GRID2: variants seen among roughly 807,000 people sequenced by gnomAD.
GRID2 encodes glutamate ionotropic receptor delta type subunit 2, also known as glutamate receptor ionotropic, delta-2.
GRID2 carries 33 observed loss-of-function variants against 114.8 expected under a neutral mutation model. That is an observed-to-expected ratio of 0.29 (90% CI 0.22 to 0.38). The LOEUF is 0.38. Ranked by LOEUF, GRID2 falls within the 10% of genes least tolerant of loss-of-function variation. The pLI is 1.00. For missense variants in GRID2, 1,184 were observed against 1,257.7 expected (o/e 0.94, Z 0.89); for synonymous variants, 505 against 449.9 (o/e 1.12, Z -1.55).
intron 2 of GRID2, among the ~76,000 whole-genome samples, chr4:92,591,229 A>T (rs936899938): frequency 6.6e-6 from 1 of 151,970 alleles, no homozygotes; most frequent in African/African-American, 2.4e-5. Context: ...CCATTCGAGG[A>T]CTCAGCAAGA....
chr4:93,440,904 A>G (rs777279524), intron 10 of GRID2, among the ~76,000 whole-genome samples: 1 of 152,096 alleles, frequency 6.6e-6, no homozygotes, highest in Non-Finnish European at 1.5e-5. Flanking sequence ...AGTGGTGAAT[A>G]ATAAGTCTTG....
chr4:92,338,460 T>C (rs1204708275), intron 1 of GRID2, among the ~76,000 whole-genome samples: 4 of 152,116 alleles, frequency 2.6e-5, no homozygotes, highest in Non-Finnish European at 1.5e-5. Flanking sequence ...AATTGAGAAA[T>C]TATGATAGTT....
intron 2 of GRID2, among the ~76,000 whole-genome samples, chr4:92,606,687 A>G (rs376566361): frequency 1.0e-3 from 154 of 151,840 alleles, no homozygotes; most frequent in African/African-American, 3.6e-3. Context: ...CGTTGGCTGC[A>G]CTCCACCCAG....
At chr4:92,806,146 C>A (rs1167220365) in intron 2 of GRID2, among the ~76,000 whole-genome samples, 3 of 143,990 alleles carry the variant, frequency 2.1e-5, no homozygotes, top group South Asian at 2.3e-4. Flanking sequence ...TATGTCAAAT[C>A]TATTAGAAAA....
intron 1 of GRID2, among the ~76,000 whole-genome samples, chr4:92,311,974 G>GCCATTTTTATAGTAGCCTAA: frequency 6.6e-6 from 1 of 152,032 alleles, no homozygotes; most frequent in African/African-American, 2.4e-5. Context: ...GAAGCAAAAT[G>GCCATTTTTATAGTAGCCTAA]AGGGAATGAA....
intron 2 of GRID2, among the ~76,000 whole-genome samples, chr4:92,931,273 C>T: frequency 6.6e-6 from 1 of 150,542 alleles, no homozygotes; most frequent in East Asian, 1.9e-4. Flanking sequence ...TAAAAAAAAG[C>T]CTGACATGAC....
At position 93,769,453 on chromosome 4, in the gene GRID2, A is replaced by G. The variant is rs371962580; in HGVS notation, c.2601+3A>G. ...GCTCCCGGGTTCCATCAAAAGAGGT[A>G]CTTGATTGAGAGATTTGGCTCTAAA... On this transcript the variant is annotated splice_donor_region_variant and intron_variant, in intron 15 of 15. Transcript: ENST00000282020. The G allele has an allele frequency of 3.7e-6, 6 of 1,613,492 alleles. No individual in the cohort carries two copies. The highest frequency in any genetic ancestry group is 5.1e-6 in the Non-Finnish European group (6 of 1,179,774).
chr4:92,794,354 C>T (rs1739748249), intron 2 of GRID2, among the ~76,000 whole-genome samples: 1 of 151,748 alleles, frequency 6.6e-6, no homozygotes, highest in Non-Finnish European at 1.5e-5. Flanking sequence ...ACCCTATCAC[C>T]CTGCCATATA....
At chr4:93,088,203 A>C (rs969518149) in intron 3 of GRID2, among the ~76,000 whole-genome samples, 1 of 152,204 alleles carries the variant, frequency 6.6e-6, no homozygotes, top group Admixed American at 6.5e-5. Flanking sequence ...AAGAAAACTG[A>C]TATCTTTGCT....
chr4:92,372,401 T>G (rs1045748002), intron 1 of GRID2, among the ~76,000 whole-genome samples: 1 of 152,092 alleles, frequency 6.6e-6, no homozygotes, highest in Non-Finnish European at 1.5e-5. Context: ...CACTCCAACC[T>G]TCAGCAACGG....
intron 14 of GRID2, among the ~76,000 whole-genome samples, chr4:93,706,726 TC>T (rs1728033003): frequency 6.6e-6 from 1 of 152,176 alleles, no homozygotes; most frequent in African/African-American, 2.4e-5. Flanking sequence ...GCCTGATTGC[TC>T]TAGCAAGGAC....
At chr4:93,590,150 A>G (rs1270653686) in intron 13 of GRID2, among the ~76,000 whole-genome samples, 1 of 150,288 alleles carries the variant, frequency 6.7e-6, no homozygotes, top group Non-Finnish European at 1.5e-5. Flanking sequence ...CTGAATGGTA[A>G]TGCCTAGGTT....
At chr4:93,151,251 T>C (rs1206817862) in intron 4 of GRID2, among the ~76,000 whole-genome samples, 1 of 151,946 alleles carries the variant, frequency 6.6e-6, no homozygotes, top group East Asian at 1.9e-4. Flanking sequence ...TGAGTAGAGA[T>C]TTTTCTGGAG....
intron 2 of GRID2, among the ~76,000 whole-genome samples, chr4:92,971,786 T>C (rs1441883533): frequency 2.0e-5 from 3 of 152,074 alleles, no homozygotes; most frequent in Non-Finnish European, 4.4e-5. Flanking sequence ...GAGTGAGAAT[T>C]TGTGGTATTA....
At chr4:93,259,412 A>G (rs1032159993) in intron 8 of GRID2, among the ~76,000 whole-genome samples, 9 of 151,846 alleles carry the variant, frequency 5.9e-5, no homozygotes, top group East Asian at 5.8e-4. Flanking sequence ...CCTTTTCAAA[A>G]TAGTCTCGAC....
At chr4:92,602,809 C>T (rs898949127) in intron 2 of GRID2, among the ~76,000 whole-genome samples, 8 of 152,144 alleles carry the variant, frequency 5.3e-5, no homozygotes, top group African/African-American at 1.4e-4. Context: ...AAAACCCCAT[C>T]GTCTTAGTCC....
At chr4:93,492,951 A>G (rs983064146) in intron 12 of GRID2, among the ~76,000 whole-genome samples, 14 of 151,780 alleles carry the variant, frequency 9.2e-5, no homozygotes, top group African/African-American at 3.1e-4. Flanking sequence ...TCCTGCTTCT[A>G]CGAGTTTGAC....
intron 2 of GRID2, among the ~76,000 whole-genome samples, chr4:92,719,271 G>A (rs1403577798): frequency 6.6e-6 from 1 of 152,142 alleles, no homozygotes; most frequent in African/African-American, 2.4e-5. Flanking sequence ...ACAGGCATGA[G>A]TCACTGTGCC....
At chr4:92,449,710 T>TATATATAA (rs1266661271) in intron 1 of GRID2, among the ~76,000 whole-genome samples, 174 of 131,664 alleles carry the variant, frequency 1.3e-3, no homozygotes, top group African/African-American at 4.4e-3. Flanking sequence ...TATATATATA[T>TATATATAA]AACACTTAAG....
Sources: allele counts gnomAD v4.1 joint callset (sites outside exome capture counted in the v4.1 genomes callset), GRCh38; gene constraint gnomAD v4.1.1; transcripts MANE v1.5; gene names NCBI Gene and HGNC (gene_info 2026-07-23, HGNC 2026-07-21).